Variants in GNG7 observed in about 807,000 individuals in gnomAD.
GNG7 encodes the protein G protein subunit gamma 7.
In GNG7, 1 loss-of-function variant was observed where a neutral mutation model predicts 4.0. The ratio of observed to expected loss-of-function variants is 0.25; its 90% CI spans 0.09 to 1.18. The LOEUF (loss-of-function observed/expected upper bound fraction) is 1.18. GNG7 is among the 50% of genes most tolerant of loss of function. The probability of loss-of-function intolerance (pLI) is 0.50; values close to 1 mark genes in which losing one functional copy is unlikely to be tolerated. For missense variants in GNG7, 86 were observed against 91.9 expected, an observed-to-expected ratio of 0.94 and a Z score of 0.26; for synonymous variants, 34 against 36.9, an observed-to-expected ratio of 0.92 and a Z score of 0.29.
At position 2,626,500 on chromosome 19, in the gene GNG7, T is replaced by A. The variant is rs1437400944; in HGVS notation, c.-78+19724A>T. ...GCCTCCTCACTCCCTCCCTCTCACC[T>A]TTTCAAGGTCCTGGAACCATCTCTG... On this transcript the variant is annotated intron_variant, in intron 2 of 4. Coordinates refer to ENST00000382159, the MANE Select transcript of GNG7 (RefSeq NM_052847.3). This position sits in a 1 kb window ranked among gnomAD's most constrained non-coding sequence, Gnocchi z 5.0. Among the ~76,000 whole-genome samples, 3 of 152,082 alleles carry A rather than the reference T, an allele frequency of 2.0e-5. No homozygotes were observed. Among genetic ancestry groups the A allele is most frequent in the Middle Eastern group, 3.2e-3 (1 of 316 alleles).
chr19:2,514,900 T>G lies in GNG7; in HGVS notation c.*122A>C. On this transcript the variant is annotated 3_prime_UTR_variant, in exon 5 of 5. Transcript: ENST00000382159. ...GGGATTTCTTTTGGAATTAAAGGTT[T>G]TGGGGACTTGAGATGTTTTGTTTGA... 3.8e-6 allele frequency: 3 copies of G among 788,762 alleles called. No individual in the cohort carries two copies. The South Asian group carries it at 5.2e-5, about 14-fold the overall frequency. 48.9% of individuals were successfully genotyped at this position (788,762 alleles called of 1,614,324 possible). A position where few individuals can be genotyped will look rare whatever the true frequency, so the allele number is the denominator to read the frequency against.
At chr19:2,562,286 C>T (rs867825551) in intron 2 of GNG7, among the ~76,000 whole-genome samples, 3 of 104,622 alleles carry the variant, frequency 2.9e-5, no homozygotes, top group East Asian at 4.0e-4. Context: ...CTTTCTTTTT[C>T]TTTCTTTTTT....
intron 2 of GNG7, among the ~76,000 whole-genome samples, chr19:2,639,436 G>A (rs1430407867): frequency 4.6e-5 from 5 of 107,812 alleles, no homozygotes; most frequent in African/African-American, 7.8e-5. Flanking sequence ...CGGATTCACC[G>A]GCCACCAAGG....
intron 1 of GNG7, among the ~76,000 whole-genome samples, chr19:2,659,198 T>C (rs893635256): frequency 1.6e-4 from 24 of 151,924 alleles, no homozygotes; most frequent in African/African-American, 5.8e-4. Context: ...CTCAATCTCC[T>C]GACCTCGTGA....
At chr19:2,668,254 C>T (rs1282632665) in intron 1 of GNG7, among the ~76,000 whole-genome samples, 1 of 150,956 alleles carries the variant, frequency 6.6e-6, no homozygotes, top group African/African-American at 2.4e-5. Context: ...AAGAGAAGGA[C>T]GACAGGCAAT....
At chr19:2,568,654 C>CAT (rs1491446629) in intron 2 of GNG7, among the ~76,000 whole-genome samples, 1 of 122,982 alleles carries the variant, frequency 8.1e-6, no homozygotes, top group Non-Finnish European at 1.8e-5. Flanking sequence ...CACAAATACA[C>CAT]ATATACACAT....
At chr19:2,519,128 GTTGT>G (rs1978295299) in intron 4 of GNG7, among the ~76,000 whole-genome samples, 1 of 144,988 alleles carries the variant, frequency 6.9e-6, no homozygotes, top group South Asian at 2.2e-4. Flanking sequence ...TGCTGTGAAG[GTTGT>G]TTTTTTCTTG....
chr19:2,572,175 C>A (rs1175906681), intron 2 of GNG7, among the ~76,000 whole-genome samples: 1 of 151,736 alleles, frequency 6.6e-6, no homozygotes, highest in Admixed American at 6.6e-5. Context: ...GGGCACACCA[C>A]AACACCAGGC....
chr19:2,534,167 C>A (rs1215874668), intron 3 of GNG7, among the ~76,000 whole-genome samples: 1 of 152,082 alleles, frequency 6.6e-6, no homozygotes, highest in Non-Finnish European at 1.5e-5. Flanking sequence ...TGTGACTGGT[C>A]CAATGTCAGT....
intron 2 of GNG7, among the ~76,000 whole-genome samples, chr19:2,572,659 C>T (rs1242076675): frequency 6.7e-6 from 1 of 150,216 alleles, no homozygotes; most frequent in African/African-American, 2.5e-5. Context: ...AGTGGCACCT[C>T]CTTATCTCGG....
chr19:2,658,155 C>T (rs1340811490), intron 1 of GNG7, among the ~76,000 whole-genome samples: 3 of 152,062 alleles, frequency 2.0e-5, no homozygotes, highest in African/African-American at 4.8e-5. Flanking sequence ...TACGATCTCT[C>T]GTCTCCACAC....
At chr19:2,644,326 TTTATATATATATATATA>T (rs1253733786) in intron 2 of GNG7, among the ~76,000 whole-genome samples, 1 of 64,584 alleles carries the variant, frequency 1.5e-5, no homozygotes, top group Non-Finnish European at 3.2e-5. Flanking sequence ...CGGCCTACAC[TTTATATATATATATATA>T]TATATATATA....
At chr19:2,598,656 C>CA (rs1008060491) in intron 2 of GNG7, among the ~76,000 whole-genome samples, 1 of 143,962 alleles carries the variant, frequency 6.9e-6, no homozygotes, top group South Asian at 2.2e-4. Context: ...GACTCCGTCT[C>CA]AAAAAAAATG....
At chr19:2,578,968 G>A (rs982587981) in intron 2 of GNG7, among the ~76,000 whole-genome samples, 1 of 152,244 alleles carries the variant, frequency 6.6e-6, no homozygotes, top group Non-Finnish European at 1.5e-5. Context: ...GCGTGGCCCG[G>A]CGCCAGACCT....
chr19:2,672,269 C>T (rs1265018761), intron 1 of GNG7, among the ~76,000 whole-genome samples: 5 of 152,094 alleles, frequency 3.3e-5, no homozygotes, highest in Non-Finnish European at 7.4e-5. Flanking sequence ...CATCCTCCTG[C>T]CTCAGCCTCC....
intron 3 of GNG7, among the ~76,000 whole-genome samples, chr19:2,534,591 G>A (rs1978681319): frequency 6.6e-6 from 1 of 152,202 alleles, no homozygotes. Context: ...AATCCTGGAG[G>A]GGGCCATGAG....
chr19:2,676,796 C>A (rs1983604654), intron 1 of GNG7, among the ~76,000 whole-genome samples: 1 of 131,996 alleles, frequency 7.6e-6, no homozygotes, highest in Non-Finnish European at 1.6e-5. Flanking sequence ...CTAGACCCGG[C>A]TGGAGGAGTT....
chr19:2,644,559 C>G (rs1599438867), intron 2 of GNG7, among the ~76,000 whole-genome samples: 1 of 151,936 alleles, frequency 6.6e-6, no homozygotes, highest in East Asian at 1.9e-4. Context: ...CAGAGTCCTG[C>G]AACCATCACC....
intron 2 of GNG7, among the ~76,000 whole-genome samples, chr19:2,640,997 C>G (rs925482668): frequency 6.6e-6 from 1 of 152,176 alleles, no homozygotes; most frequent in Admixed American, 6.5e-5. Context: ...CTAAAATGAC[C>G]TGCTTGAGAA....
Sources: allele counts gnomAD v4.1 joint callset (sites outside exome capture counted in the v4.1 genomes callset), GRCh38; gene constraint gnomAD v4.1.1; non-coding constraint Gnocchi (gnomAD v3.1); transcripts MANE v1.5; gene names NCBI Gene and HGNC (gene_info 2026-07-23, HGNC 2026-07-21).